The following RBFOX1 variants were observed in gnomAD, a reference collection of about 807,000 sequenced individuals.
RBFOX1 encodes RNA binding protein fox-1 homolog 1.
RBFOX1 carries 8 observed loss-of-function variants against 57.7 expected under a neutral mutation model. The ratio of observed to expected loss-of-function variants is 0.14; its 90% confidence interval spans 0.08 to 0.25. The LOEUF (loss-of-function observed/expected upper bound fraction) is 0.25. RBFOX1 is among the 10% of genes least tolerant of loss of function. The pLI, the probability that RBFOX1 is intolerant of heterozygous loss-of-function variation, is 1.00. For synonymous variants in RBFOX1, 326 were observed against 222.4 expected, an observed-to-expected ratio of 1.47 and a Z score of -4.15; for missense variants, 611 against 548.5, an observed-to-expected ratio of 1.11 and a Z score of -1.14.
chr16:7,696,374 A>G (rs1325047182), intron 14 of RBFOX1, among the ~76,000 whole-genome samples: 1 of 152,152 alleles, frequency 6.6e-6, no homozygotes, highest in Non-Finnish European at 1.5e-5. Flanking sequence ...GGATTCTTCA[A>G]TAGATGGTGA....
intron 4 of RBFOX1, among the ~76,000 whole-genome samples, chr16:7,212,932 C>G (rs906091736): frequency 9.9e-5 from 15 of 152,182 alleles, no homozygotes; most frequent in African/African-American, 3.6e-4. Flanking sequence ...GTATCTAGCT[C>G]TTACCGTGCC....
chr16:7,436,936 C>G (rs1448108219), intron 4 of RBFOX1, among the ~76,000 whole-genome samples: 1 of 152,094 alleles, frequency 6.6e-6, no homozygotes, highest in Non-Finnish European at 1.5e-5. Context: ...ATAAAAATAG[C>G]TGGTCATGGT....
intron 4 of RBFOX1, among the ~76,000 whole-genome samples, chr16:7,088,473 G>C: frequency 1.3e-5 from 2 of 151,840 alleles, no homozygotes; most frequent in East Asian, 3.9e-4. Context: ...TACAAGATTG[G>C]TCTTGAAAAA....
chr16:6,636,768 A>ATATATGTTATATATAT (rs2098437197), intron 2 of RBFOX1, among the ~76,000 whole-genome samples: 2 of 1,630 alleles, frequency 1.2e-3, no homozygotes, highest in Admixed American at 0.025. Context: ...TATATATATA[A>ATATATGTTATATATAT]TATATAATAT....
chr16:6,211,636 A>T (rs1467218969), intron 1 of RBFOX1, among the ~76,000 whole-genome samples: 1 of 152,124 alleles, frequency 6.6e-6, no homozygotes, highest in Non-Finnish European at 1.5e-5. Flanking sequence ...CCGTTTGTAA[A>T]GCAAGCTGAG....
intron 1 of RBFOX1, among the ~76,000 whole-genome samples, chr16:5,359,371 G>C (rs1168139582): frequency 1.3e-5 from 2 of 152,156 alleles, no homozygotes; most frequent in African/African-American, 2.4e-5. Context: ...TCCACTTTTA[G>C]TTTTCTGAGG....
intron 3 of RBFOX1, among the ~76,000 whole-genome samples, chr16:6,865,484 G>GT (rs1381884367): frequency 1.3e-5 from 2 of 152,036 alleles, no homozygotes; most frequent in Non-Finnish European, 2.9e-5. Context: ...GCACCTTCTT[G>GT]TTTTTTAACA....
intron 5 of RBFOX1, among the ~76,000 whole-genome samples, chr16:7,574,419 T>G (rs2093110092): frequency 6.6e-6 from 1 of 152,096 alleles, no homozygotes; most frequent in South Asian, 2.1e-4. Flanking sequence ...CTCTGTAAGC[T>G]GAGGAGCAAG....
chr16:6,662,713 A>T (rs984684203), intron 3 of RBFOX1, among the ~76,000 whole-genome samples: 3 of 152,154 alleles, frequency 2.0e-5, no homozygotes, highest in Non-Finnish European at 4.4e-5. Context: ...TTTTTGACCA[A>T]GAGACCCAGA....
chr16:6,563,839 T>C (rs138788780), intron 2 of RBFOX1, among the ~76,000 whole-genome samples: 5 of 151,764 alleles, frequency 3.3e-5, no homozygotes, highest in African/African-American at 7.3e-5. Flanking sequence ...AAAAAAAATA[T>C]ATATATATGT....
intron 2 of RBFOX1, among the ~76,000 whole-genome samples, chr16:6,451,436 C>G (rs1190698214): frequency 6.6e-6 from 1 of 152,046 alleles, no homozygotes; most frequent in Non-Finnish European, 1.5e-5. Flanking sequence ...ATTGTTATCA[C>G]TAGGAATATG....
At chr16:6,524,164 G>A (rs898812640) in intron 2 of RBFOX1, among the ~76,000 whole-genome samples, 1 of 151,968 alleles carries the variant, frequency 6.6e-6, no homozygotes, top group Non-Finnish European at 1.5e-5. Context: ...CCAGCCTCTG[G>A]TAACCATCCC....
chr16:7,548,410 C>A (rs1014909825), intron 5 of RBFOX1, among the ~76,000 whole-genome samples: 1 of 152,192 alleles, frequency 6.6e-6, no homozygotes, highest in South Asian at 2.1e-4. Flanking sequence ...ACCGGCTGCG[C>A]CACCCAAAGT....
chr16:6,851,496 T>TTTGAA (rs1295719073), intron 3 of RBFOX1, among the ~76,000 whole-genome samples: 1 of 152,200 alleles, frequency 6.6e-6, no homozygotes, highest in Admixed American at 6.5e-5. Context: ...TATAACAACT[T>TTTGAA]AGAGTTTGAA....
chr16:7,597,068 G>C, intron 8 of RBFOX1: 1 of 213,282 alleles, frequency 4.7e-6, no homozygotes, highest in Non-Finnish European at 9.2e-6. Flanking sequence ...TGGAGTACAC[G>C]CATGCTTTTA....
chr16:7,290,105 C>A (rs1045192158), intron 4 of RBFOX1, among the ~76,000 whole-genome samples: 5 of 152,046 alleles, frequency 3.3e-5, no homozygotes, highest in Non-Finnish European at 7.4e-5. Flanking sequence ...CCGGTAGAAA[C>A]CATTTTAGAA....
At chr16:6,839,328 C>G (rs1305151422) in intron 3 of RBFOX1, among the ~76,000 whole-genome samples, 3 of 152,168 alleles carry the variant, frequency 2.0e-5, no homozygotes, top group Non-Finnish European at 2.9e-5. Context: ...ACGATAACTC[C>G]TCACTCTACT....
Position 7,595,581 on chromosome 16 carries a change from C to G in RBFOX1, c.501C>G (p.Ala167=). The change falls in exon 8 of 16, where the codon GCC becomes GCG. Residue 167 remains alanine, a synonymous_variant. Coordinates refer to ENST00000550418, the MANE Select transcript of RBFOX1 (RefSeq NM_018723.4). ...GTTTCGTAACTTTCGAAAATAGTGC[C>G]GATGCGGACAGGGCGAGGGAGAAAT... is the stretch of plus-strand genomic sequence containing the variant. ...GFGFVTFENS[A]DADRAREKLH... 1 of 1,559,912 alleles carries G rather than the reference C, an allele frequency of 6.4e-7. No individual in the cohort carries two copies. Among genetic ancestry groups the G allele is most frequent in the Non-Finnish European group, 8.7e-7 (1 of 1,149,558 alleles).
chr16:5,742,222 CCCTT>C (rs1220669679), intron 3 of RBFOX1, among the ~76,000 whole-genome samples: 25 of 55,462 alleles, frequency 4.5e-4, no homozygotes, highest in African/African-American at 5.5e-4. Flanking sequence ...TTTCCTTCCT[CCCTT>C]CCTTCCTTCC....
Sources: allele counts gnomAD v4.1 joint callset (sites outside exome capture counted in the v4.1 genomes callset), GRCh38; gene constraint gnomAD v4.1.1; transcripts MANE v1.5; gene names NCBI Gene and HGNC (gene_info 2026-07-23, HGNC 2026-07-21).